Variants in RFX7 observed in about 807,000 individuals in gnomAD.
The protein encoded by RFX7 is regulatory factor X7, also known as DNA-binding protein RFX7.
Under a neutral mutation model 111.8 loss-of-function variants are expected in RFX7, and 26 were observed. That is an observed-to-expected ratio of 0.23 (90% CI 0.17 to 0.32). RFX7 has a LOEUF of 0.32. RFX7 is among the 10% of genes least tolerant of loss of function. The pLI, the probability that RFX7 is intolerant of heterozygous loss-of-function variation, is 1.00. For synonymous variants in RFX7, 624 were observed against 624.4 expected, an observed-to-expected ratio of 1.00 and a Z score of 0.01; for missense variants, 1,573 against 1,772.9, an observed-to-expected ratio of 0.89 and a Z score of 2.02.
At chr15:56,237,802 A>G (rs1156752911) in intron 2 of RFX7, among the ~76,000 whole-genome samples, 2 of 152,214 alleles carry the variant, frequency 1.3e-5, no homozygotes, top group African/African-American at 4.8e-5. Flanking sequence ...AGACAATTTT[A>G]TCAGTTTAAA....
intron 8 of RFX7, among the ~76,000 whole-genome samples, chr15:56,099,645 T>A (rs972616363): frequency 6.6e-6 from 1 of 152,060 alleles, no homozygotes; most frequent in Non-Finnish European, 1.5e-5. Context: ...AAAAAAAAAT[T>A]CACCTTCAAA....
In RFX7 at chr15:56,088,205, C is replaced by T. The variant is rs563061430; in HGVS notation, c.*5140G>A. Reference sequence around the variant, plus strand: ...CCAGATCATACAACTGCAGTAGGTACACTGTGAACACATATCTTAAGTATA... The same window carrying T: ...CCAGATCATACAACTGCAGTAGGTATACTGTGAACACATATCTTAAGTATA... On this transcript the variant is annotated 3_prime_UTR_variant, in exon 10 of 10. Coordinates refer to ENST00000559447, the MANE Select transcript of RFX7 (RefSeq NM_022841.7). 1.3e-3 allele frequency: 217 copies of T among 167,320 alleles called. 1 individual carries two copies. The highest frequency in any genetic ancestry group is 3.0e-3 in the Middle Eastern group (1 of 338). 10.4% of individuals were successfully genotyped at this position (167,320 alleles called of 1,614,324 possible).
chr15:56,159,245 T>C (rs1438528682), intron 3 of RFX7, among the ~76,000 whole-genome samples: 2 of 152,256 alleles, frequency 1.3e-5, no homozygotes, highest in African/African-American at 4.8e-5. Context: ...ATTCATCTGA[T>C]GATGGACACG....
chr15:56,243,906 A>T (rs1407452131), upstream of RFX7: 1 of 149,028 alleles, frequency 6.7e-6, no homozygotes, highest in Non-Finnish European at 1.5e-5. Context: ...CAGACCGCAC[A>T]ACACCTACCG....
At chr15:56,199,278 A>G (rs1450226534) in intron 2 of RFX7, among the ~76,000 whole-genome samples, 2 of 152,194 alleles carry the variant, frequency 1.3e-5, no homozygotes, top group African/African-American at 4.8e-5. Context: ...AGTGTAGGAT[A>G]TAATGACTCA....
At chr15:56,131,554 C>T (rs1335302599) in intron 5 of RFX7, among the ~76,000 whole-genome samples, 13 of 152,090 alleles carry the variant, frequency 8.5e-5, no homozygotes, top group East Asian at 1.9e-4. Flanking sequence ...ACACTGTGCC[C>T]GGCCTATATT....
chr15:56,143,827 G>A (rs889210169), intron 4 of RFX7, among the ~76,000 whole-genome samples: 1 of 152,062 alleles, frequency 6.6e-6, no homozygotes, highest in Non-Finnish European at 1.5e-5. Context: ...TGAATGAGAT[G>A]AATTCTGAGA....
chr15:56,130,588 T>A (rs1006349586), intron 5 of RFX7, among the ~76,000 whole-genome samples: 10 of 151,680 alleles, frequency 6.6e-5, no homozygotes, highest in African/African-American at 2.4e-4. Flanking sequence ...GTTCCTATCC[T>A]AAATGTGAAA....
At chr15:56,206,227 A>G (rs1237419428) in intron 2 of RFX7, among the ~76,000 whole-genome samples, 7 of 152,232 alleles carry the variant, frequency 4.6e-5, no homozygotes, top group Admixed American at 4.6e-4. Flanking sequence ...AATGATACAC[A>G]TATACAATAG....
At chr15:56,208,834 C>G (rs868019361) in intron 2 of RFX7, among the ~76,000 whole-genome samples, 2 of 151,678 alleles carry the variant, frequency 1.3e-5, no homozygotes, top group African/African-American at 4.8e-5. Context: ...TAGAAACCAC[C>G]AAATTTGAAA....
chr15:56,095,643 C>T lies in RFX7; in HGVS notation c.2085G>A (p.Lys695=). 6.2e-7 allele frequency: 1 copy of T among 1,613,954 alleles called. No individual in the cohort carries two copies. Among genetic ancestry groups the T allele is most frequent in the Non-Finnish European group, 8.5e-7 (1 of 1,179,880 alleles). ...IEGQKQGSVK[K]DQKVPHSGKT... ...TCCCTGAATGTGGAACCTTTTGGTC[C>T]TTCTTAACACTGCCTTGTTTCTGCC... The change falls in exon 10 of 10, where the codon AAG becomes AAA. Residue 695 remains lysine (K), a synonymous_variant. Coordinates refer to ENST00000559447, the MANE Select transcript of RFX7 (RefSeq NM_022841.7).
chr15:56,159,045 A>G (rs189739261), intron 3 of RFX7, among the ~76,000 whole-genome samples: 1 of 152,176 alleles, frequency 6.6e-6, no homozygotes, highest in Admixed American at 6.5e-5. Flanking sequence ...CTCTCTATGT[A>G]TGTGAGTTCA....
Position 56,096,465 on chromosome 15 carries a change from C to G in RFX7, c.1263G>C (p.Gly421=), listed in dbSNP as rs1464122801. 8 of 1,611,708 alleles carry G rather than the reference C, an allele frequency of 5.0e-6. No homozygotes were observed. The highest frequency in any genetic ancestry group is 6.8e-6 in the Non-Finnish European group (8 of 1,178,908). The part of the protein sequence containing the change: ...TPQNVPASPG[G]DRSARHRYPQ... ...GGTAACGGTGCCGGGCAGAACGATC[C>G]CCACCAGGACTGGCTGGAACGTTCT... The change falls in exon 10 of 10, where the codon GGG becomes GGC. Residue 421 remains glycine (G), a synonymous_variant. Coordinates refer to ENST00000559447, the MANE Select transcript of RFX7 (RefSeq NM_022841.7).
At chr15:56,140,004 C>T (rs1412489371) in intron 5 of RFX7, among the ~76,000 whole-genome samples, 1 of 152,120 alleles carries the variant, frequency 6.6e-6, no homozygotes, top group Non-Finnish European at 1.5e-5. Flanking sequence ...CTGGGAGAAC[C>T]ACTGCTCTCT....
intron 3 of RFX7, among the ~76,000 whole-genome samples, chr15:56,170,952 A>G (rs1186445085): frequency 6.6e-6 from 1 of 152,212 alleles, no homozygotes; most frequent in Non-Finnish European, 1.5e-5. Context: ...ACCATAAGGC[A>G]GAACAATGGG....
intron 5 of RFX7, among the ~76,000 whole-genome samples, chr15:56,129,429 A>C (rs912902801): frequency 8.5e-5 from 13 of 152,104 alleles, no homozygotes; most frequent in African/African-American, 3.1e-4. Flanking sequence ...TATAGAACTC[A>C]TGTTAAGTTT....
At position 56,093,960 on chromosome 15, in the gene RFX7, T is replaced by C. The variant is rs758069608; in HGVS notation, c.3768A>G (p.Lys1256=). ...CTGCATCATCATTGTCGGAATCAAGTTTACTCAACAAAACATTGGTTATTT... is the reference window on the plus strand; with the variant it reads ...CTGCATCATCATTGTCGGAATCAAGCTTACTCAACAAAACATTGGTTATTT... ...SKKITNVLLS[K]LDSDNDDAVR... is the part of the protein sequence containing the mutation. Residue 1256 remains lysine (K), a synonymous_variant, in exon 10 of 10, where the codon AAA becomes AAG. Transcript: ENST00000559447. 1.2e-6 allele frequency: 2 copies of C among 1,613,960 alleles called. No homozygotes were observed. The highest frequency in any genetic ancestry group is 4.5e-5 in the East Asian group (2 of 44,880).
chr15:56,095,280 T>C lies in RFX7; in HGVS notation c.2448A>G (p.Leu816=). 1 of 1,613,986 alleles carries C rather than the reference T, an allele frequency of 6.2e-7. No individual in the cohort carries two copies. Among genetic ancestry groups the C allele is most frequent in the East Asian group, 2.2e-5 (1 of 44,880 alleles). Residue 816 remains leucine (L), a synonymous_variant, in exon 10 of 10, where the codon TTA becomes TTG. Transcript: ENST00000559447. ...TIPEHSDIND[L]EKSVWELEGM... ...CTTCTAATTCCCAAACAGATTTCTC[T>C]AAGTCATTGATATCAGAGTGCTCAG...
intron 2 of RFX7, among the ~76,000 whole-genome samples, chr15:56,180,366 A>AG (rs2042956143): frequency 6.6e-6 from 1 of 152,180 alleles, no homozygotes. Flanking sequence ...AGCAAAAAAA[A>AG]GTAAAGGATA....
Sources: allele counts gnomAD v4.1 joint callset (sites outside exome capture counted in the v4.1 genomes callset), GRCh38; gene constraint gnomAD v4.1.1; transcripts MANE v1.5; gene names NCBI Gene and HGNC (gene_info 2026-07-23, HGNC 2026-07-21).